The following PDE3A variants were observed in gnomAD, a reference collection of about 807,000 sequenced individuals.
The protein encoded by PDE3A is cGMP-inhibited 3',5'-cyclic phosphodiesterase 3A.
A neutral mutation model predicts 98.3 loss-of-function variants in PDE3A; 43 were observed. The ratio of observed to expected loss-of-function variants is 0.44; its 90% confidence interval spans 0.34 to 0.56. PDE3A has a LOEUF of 0.56. PDE3A is among the 20% of genes least tolerant of loss of function. PDE3A has a pLI of 0.01. For synonymous variants in PDE3A, 663 were observed against 567.9 expected, an observed-to-expected ratio of 1.17 and a Z score of -2.38; for missense variants, 1,427 against 1,440.7, an observed-to-expected ratio of 0.99 and a Z score of 0.15.
In PDE3A at chr12:20,435,648, G is replaced by A. The variant is rs566695095; in HGVS notation, c.960+65404G>A. Among the ~76,000 whole-genome samples the A allele has an allele frequency of 1.7e-4, 26 of 152,198 alleles. No homozygotes were observed. The South Asian group carries it at 4.2e-3, about 24-fold the overall frequency. ...GTAGTAAGGAGGCCATGCGTAAGTC[G>A]CTTACCTTGACCAATCTATTTTCTA... On this transcript the variant is annotated intron_variant, in intron 1 of 15. Coordinates refer to ENST00000359062, the MANE Select transcript of PDE3A (RefSeq NM_000921.5).
chr12:20,570,959 T>A (rs138564076), intron 2 of PDE3A, among the ~76,000 whole-genome samples: 2 of 152,184 alleles, frequency 1.3e-5, no homozygotes, highest in African/African-American at 4.8e-5. Context: ...GACGTTCTGA[T>A]GGACAGTGTT....
chr12:20,600,671 T>A (rs1343864288), intron 2 of PDE3A, among the ~76,000 whole-genome samples: 1 of 152,196 alleles, frequency 6.6e-6, no homozygotes, highest in African/African-American at 2.4e-5. Flanking sequence ...TTGCTTTTTG[T>A]GTCAGTACTA....
chr12:20,505,244 G>A (rs1946094792), intron 1 of PDE3A, among the ~76,000 whole-genome samples: 1 of 152,048 alleles, frequency 6.6e-6, no homozygotes, highest in South Asian at 2.1e-4. Flanking sequence ...ACAGGGTTCT[G>A]TGTGGTACAT....
chr12:20,611,187 TAAATA>T (rs918255759), intron 2 of PDE3A, among the ~76,000 whole-genome samples: 1 of 150,334 alleles, frequency 6.7e-6, no homozygotes, highest in African/African-American at 2.4e-5. Context: ...TTAAAATAAG[TAAATA>T]AAATAAAATT....
At chr12:20,539,221 C>T (rs1941832838) in intron 1 of PDE3A, among the ~76,000 whole-genome samples, 1 of 151,930 alleles carries the variant, frequency 6.6e-6, no homozygotes, top group Non-Finnish European at 1.5e-5. Flanking sequence ...GGGATGGGAC[C>T]CACGTCTAAA....
intron 15 of PDE3A, among the ~76,000 whole-genome samples, chr12:20,678,481 T>C (rs530410995): frequency 2.0e-5 from 3 of 152,120 alleles, no homozygotes; most frequent in African/African-American, 7.2e-5. Context: ...AGGTAGAACC[T>C]TTTTTTTGTT....
chr12:20,646,235 A>T (rs904747817), intron 10 of PDE3A, among the ~76,000 whole-genome samples: 1 of 152,192 alleles, frequency 6.6e-6, no homozygotes, highest in African/African-American at 2.4e-5. Context: ...TTTGTAGTCG[A>T]CTGTTGACAC....
intron 1 of PDE3A, among the ~76,000 whole-genome samples, chr12:20,507,007 T>C (rs1946130542): frequency 1.3e-5 from 2 of 152,114 alleles, no homozygotes; most frequent in African/African-American, 4.8e-5. Context: ...GTGTATATTT[T>C]TATTCTTTAT....
chr12:20,369,673 T>G lies in PDE3A; in HGVS notation c.389T>G (p.Leu130Arg). The change falls in exon 1 of 16, where the codon CTG (leucine) becomes CGG (arginine). Residue 130 changes from leucine (L) to arginine (R), a missense_variant. Leu to Arg is a moderately radical substitution (Grantham distance 102). Coordinates refer to ENST00000359062, the MANE Select transcript of PDE3A (RefSeq NM_000921.5). ...PGGGARLSPWLQPSALLFSLL... is the reference protein window; with the variant it reads ...PGGGARLSPWRQPSALLFSLL... ...GGCGGTGCGCGGCTCAGCCCCTGGC[T>G]GCAGCCCTCGGCGCTGCTCTTCAGT... 1 of 1,608,700 alleles carries G rather than the reference T, an allele frequency of 6.2e-7. No homozygotes were observed. Among genetic ancestry groups the G allele is most frequent in the Non-Finnish European group, 8.5e-7 (1 of 1,178,342 alleles).
At chr12:20,485,579 G>A (rs1259027404) in intron 1 of PDE3A, among the ~76,000 whole-genome samples, 1 of 151,948 alleles carries the variant, frequency 6.6e-6, no homozygotes. Flanking sequence ...TTATTCATTC[G>A]AGTATACTGG....
chr12:20,429,689 G>A (rs1944662377), intron 1 of PDE3A, among the ~76,000 whole-genome samples: 1 of 152,120 alleles, frequency 6.6e-6, no homozygotes, highest in Non-Finnish European at 1.5e-5. Flanking sequence ...TGGGAGGTGA[G>A]GGATTATGAA....
chr12:20,406,335 A>G (rs1301456267), intron 1 of PDE3A, among the ~76,000 whole-genome samples: 1 of 152,162 alleles, frequency 6.6e-6, no homozygotes, highest in East Asian at 1.9e-4. Context: ...AGTTTACTAA[A>G]TTACATTCCC....
chr12:20,501,129 G>T (rs1327945651), intron 1 of PDE3A, among the ~76,000 whole-genome samples: 1 of 152,092 alleles, frequency 6.6e-6, no homozygotes, highest in African/African-American at 2.4e-5. Flanking sequence ...AGAAAATAAC[G>T]TACTAATGTG....
At chr12:20,511,867 G>T (rs1450166271) in intron 1 of PDE3A, among the ~76,000 whole-genome samples, 2 of 152,104 alleles carry the variant, frequency 1.3e-5, no homozygotes, top group Admixed American at 1.3e-4. Context: ...GGTGTTGATA[G>T]TATAGACCCA....
In PDE3A at chr12:20,483,460, T is replaced by G. The variant is rs369430723; in HGVS notation, c.961-73200T>G. ...CAAATTCTGGCAAATGACTTGCAAA[T>G]GAGAAGAAAAAAATCACGCTCATTC... On this transcript the variant is annotated intron_variant, in intron 1 of 15. Coordinates refer to ENST00000359062, the MANE Select transcript of PDE3A (RefSeq NM_000921.5). Among the ~76,000 whole-genome samples the G allele has an allele frequency of 3.5e-4, 53 of 152,238 alleles. 2 individuals carry two copies. The highest frequency in any genetic ancestry group is 1.3e-3 in the African/African-American group (52 of 41,538).
intron 5 of PDE3A, among the ~76,000 whole-genome samples, chr12:20,627,051 A>G (rs1944277629): frequency 4.6e-5 from 7 of 152,010 alleles, no homozygotes; most frequent in Admixed American, 4.6e-4. Flanking sequence ...TTAGCAATGA[A>G]AAAATCACTC....
intron 1 of PDE3A, among the ~76,000 whole-genome samples, chr12:20,411,878 G>A (rs1226350505): frequency 1.3e-5 from 2 of 152,084 alleles, no homozygotes; most frequent in Non-Finnish European, 2.9e-5. Flanking sequence ...AAATTACCGT[G>A]TGCTTAAATT....
chr12:20,526,957 C>T (rs1029215160), intron 1 of PDE3A, among the ~76,000 whole-genome samples: 3 of 150,376 alleles, frequency 2.0e-5, no homozygotes, highest in African/African-American at 7.4e-5. Context: ...TCACTCTTGT[C>T]CCCCAGGCTG....
chr12:20,439,610 T>C (rs1417542738), intron 1 of PDE3A, among the ~76,000 whole-genome samples: 43 of 152,232 alleles, frequency 2.8e-4, no homozygotes, highest in Admixed American at 2.7e-3. Flanking sequence ...GTATTGTTCA[T>C]GCTGCGAGCA....
Sources: gnomAD v4.1 joint callset for allele counts (sites outside exome capture counted in the v4.1 genomes callset) on GRCh38, gnomAD v4.1.1 for gene constraint, MANE v1.5 for transcripts, NCBI Gene and HGNC (gene_info 2026-07-23, HGNC 2026-07-21) for gene names.